Variants in PTPRD observed in about 807,000 individuals in gnomAD.
The protein encoded by PTPRD is protein tyrosine phosphatase receptor type D.
PTPRD carries 34 observed loss-of-function variants against 214.5 expected under a neutral mutation model. The observed-to-expected ratio is 0.16, with a 90% CI of 0.12 to 0.21. The LOEUF (loss-of-function observed/expected upper bound fraction) is 0.21. Ranked by LOEUF, PTPRD falls within the 10% of genes least tolerant of loss-of-function variation. The probability of loss-of-function intolerance (pLI) is 1.00; values close to 1 mark genes in which losing one functional copy is unlikely to be tolerated. For synonymous variants in PTPRD, 1,128 were observed against 845.7 expected, an observed-to-expected ratio of 1.33 and a Z score of -5.79; for missense variants, 2,545 against 2,398.7, an observed-to-expected ratio of 1.06 and a Z score of -1.27.
intron 10 of PTPRD, among the ~76,000 whole-genome samples, chr9:9,023,067 T>G (rs893999469): frequency 6.6e-6 from 1 of 152,172 alleles, no homozygotes; most frequent in Non-Finnish European, 1.5e-5. Context: ...TGTTTCTTCT[T>G]TTGTAAAGTG....
intron 6 of PTPRD, among the ~76,000 whole-genome samples, chr9:9,762,178 T>A (rs1474810952): frequency 6.6e-6 from 1 of 152,160 alleles, no homozygotes; most frequent in African/African-American, 2.4e-5. Flanking sequence ...GTAGCCCTGA[T>A]AACTTCCCTC....
At chr9:9,258,578 T>C (rs79429371) in intron 9 of PTPRD, among the ~76,000 whole-genome samples, 41 of 152,086 alleles carry the variant, frequency 2.7e-4, no homozygotes, top group African/African-American at 9.1e-4. Flanking sequence ...TTGAACAGTA[T>C]AATCATTCAA....
intron 11 of PTPRD, among the ~76,000 whole-genome samples, chr9:8,814,952 T>C (rs1180835991): frequency 6.6e-6 from 1 of 152,148 alleles, no homozygotes; most frequent in East Asian, 1.9e-4. Context: ...TTAGAACAAA[T>C]GTGCAAATTT....
chr9:8,526,697 G>A (rs746576722), intron 16 of PTPRD, 53 bp from the exon 17 acceptor site: 51 of 1,451,646 alleles, frequency 3.5e-5, no homozygotes, highest in African/African-American at 1.8e-4. Flanking sequence ...GCATTAGTAC[G>A]AGAAGAAGGA....
chr9:9,775,653 C>T (rs983363586), intron 5 of PTPRD, among the ~76,000 whole-genome samples: 26 of 152,126 alleles, frequency 1.7e-4, no homozygotes, highest in African/African-American at 5.3e-4. Context: ...TACTAAAAAG[C>T]GAATTCTTGG....
intron 6 of PTPRD, among the ~76,000 whole-genome samples, chr9:9,762,355 T>C (rs2821514): frequency 1 from 152,308 of 152,312 alleles, 76,152 homozygotes; most frequent in Middle Eastern, 1. Flanking sequence ...ACAGTCTAGC[T>C]ACACTCTTGG....
chr9:8,917,308 T>A (rs1333606457), intron 11 of PTPRD, among the ~76,000 whole-genome samples: 1 of 150,772 alleles, frequency 6.6e-6, no homozygotes, highest in East Asian at 1.9e-4. Context: ...TTTTTTTTTT[T>A]TGTATTTTTA....
At position 10,056,741 on chromosome 9, in the gene PTPRD, A is replaced by C. The variant is rs149407717; in HGVS notation, c.-544-22951T>G. Among the ~76,000 whole-genome samples, 463 of 152,220 alleles carry C rather than the reference A, an allele frequency of 3.0e-3. 4 individuals carry two copies. Among genetic ancestry groups the C allele is most frequent in the African/African-American group, 0.011 (441 of 41,558 alleles). Reference sequence around the variant, plus strand: ...TTCTCTACCGGGAGTCATTGAAAGGAATTTAATGAGCCACATTCTCCCTAT... The same window carrying C: ...TTCTCTACCGGGAGTCATTGAAAGGCATTTAATGAGCCACATTCTCCCTAT... On this transcript the variant is annotated intron_variant, in intron 3 of 45. Coordinates refer to ENST00000381196, the MANE Select transcript of PTPRD (RefSeq NM_002839.4).
In PTPRD at chr9:8,498,741, AC is replaced by A. The variant is rs1375490583; in HGVS notation, c.2322+905del. 6.6e-5 allele frequency among the ~76,000 whole-genome samples: 10 copies of A among 152,168 alleles called. No homozygotes were observed. In the East Asian group the frequency reaches 1.9e-3, roughly 29 times the overall value. On this transcript the variant is annotated intron_variant, in intron 25 of 45. Coordinates refer to ENST00000381196, the MANE Select transcript of PTPRD (RefSeq NM_002839.4). The stretch of plus-strand genomic sequence containing the variant: ...TATCCTATCCCCATGACATCTCATC[AC>A]CATTTGACACAGCAAAGGTAAGCCA...
At chr9:8,945,046 G>T (rs1204856463) in intron 11 of PTPRD, among the ~76,000 whole-genome samples, 2 of 151,928 alleles carry the variant, frequency 1.3e-5, no homozygotes, top group East Asian at 3.9e-4. Context: ...ATGTACTCAT[G>T]AAAATTTAAA....
At chr9:9,972,703 G>C (rs1056542660) in intron 4 of PTPRD, among the ~76,000 whole-genome samples, 2 of 152,152 alleles carry the variant, frequency 1.3e-5, no homozygotes, top group Admixed American at 1.3e-4. Context: ...TGGAGGTCCT[G>C]AGGGGACAGT....
chr9:9,998,126 AAAAATAT>A (rs1482269484), intron 4 of PTPRD, among the ~76,000 whole-genome samples: 1 of 78,584 alleles, frequency 1.3e-5, no homozygotes, highest in African/African-American at 4.1e-5. Context: ...AAAAAAAAAA[AAAAATAT>A]ATATATATAT....
chr9:9,945,905 G>A (rs899639183), intron 4 of PTPRD, among the ~76,000 whole-genome samples: 2 of 151,742 alleles, frequency 1.3e-5, no homozygotes, highest in South Asian at 2.1e-4. Context: ...TTTAAAAGAT[G>A]GTTACTGACA....
intron 35 of PTPRD, among the ~76,000 whole-genome samples, chr9:8,405,955 G>A (rs1356712555): frequency 6.6e-6 from 1 of 151,092 alleles, no homozygotes; most frequent in Non-Finnish European, 1.5e-5. Flanking sequence ...AGTCAAGTCT[G>A]TTAGTAGTCT....
chr9:10,551,640 A>C (rs1348889466), intron 2 of PTPRD, among the ~76,000 whole-genome samples: 1 of 152,074 alleles, frequency 6.6e-6, no homozygotes, highest in Non-Finnish European at 1.5e-5. Context: ...TTGATTTTGA[A>C]ATTTCCTGGC....
intron 8 of PTPRD, among the ~76,000 whole-genome samples, chr9:9,485,629 T>G (rs1393824842): frequency 6.6e-6 from 1 of 152,212 alleles, no homozygotes; most frequent in Non-Finnish European, 1.5e-5. Flanking sequence ...CTGCTCAATT[T>G]TATGCCATAA....
At chr9:8,708,679 CAAA>C (rs765081509) in intron 12 of PTPRD, among the ~76,000 whole-genome samples, 110 of 39,384 alleles carry the variant, frequency 2.8e-3, no homozygotes, top group African/African-American at 9.5e-3. Context: ...GACTCTGTCT[CAAA>C]AAAAAAAAAA....
At chr9:9,285,903 T>C (rs1467970110) in intron 9 of PTPRD, among the ~76,000 whole-genome samples, 1 of 151,828 alleles carries the variant, frequency 6.6e-6, no homozygotes, top group Non-Finnish European at 1.5e-5. Flanking sequence ...TATATATCTG[T>C]AAATTAGTGT....
At chr9:9,970,798 T>C (rs916014655) in intron 4 of PTPRD, among the ~76,000 whole-genome samples, 19 of 152,188 alleles carry the variant, frequency 1.2e-4, no homozygotes, top group African/African-American at 4.3e-4. Context: ...TCTACATTGC[T>C]CTGGCCCACA....
Sources: allele counts gnomAD v4.1 joint callset (sites outside exome capture counted in the v4.1 genomes callset), GRCh38; gene constraint gnomAD v4.1.1; transcripts MANE v1.5; gene names NCBI Gene and HGNC (gene_info 2026-07-23, HGNC 2026-07-21).